Variants in PGPEP1 observed in about 807,000 individuals in gnomAD.
PGPEP1 encodes pyroglutamyl-peptidase I, also known as pyroglutamyl-peptidase 1.
PGPEP1 carries 15 observed loss-of-function variants against 24.1 expected under a neutral mutation model. That is an observed-to-expected ratio of 0.62 (90% CI 0.42 to 0.96). PGPEP1 has a LOEUF of 0.96. Ranked by LOEUF, PGPEP1 falls within the 40% of genes least tolerant of loss-of-function variation. The pLI is 0.00. For synonymous variants in PGPEP1, 122 were observed against 116.4 expected (o/e 1.05, Z -0.31); for missense variants, 242 against 273.4 (o/e 0.89, Z 0.81).
intron 3 of PGPEP1, 54 bp from the exon 4 acceptor site, chr19:18,357,316 GCCTCAGGGGGACC>G: frequency 1.7e-6 from 2 of 1,193,154 alleles, no homozygotes; most frequent in East Asian, 4.9e-5. Flanking sequence ...CTTTTCCCTG[GCCTCAGGGGGACC>G]CCTCTGAGTC....
Position 18,369,503 on chromosome 19 carries a change from CAAG to C in PGPEP1, c.*5921_*5923del, listed in dbSNP as rs752168104. ...GGTTTTGTGTCGTGACACTTTGTCT[CAAG>C]GAGATTCCACATAGGGATTTGAATT... On this transcript the variant is annotated 3_prime_UTR_variant, in exon 5 of 5. Transcript: ENST00000269919. 1.3e-5 allele frequency: 2 copies of C among 152,286 alleles called. No individual in the cohort carries two copies. The highest frequency in any genetic ancestry group is 2.9e-5 in the Non-Finnish European group (2 of 68,186). 9.4% of individuals were successfully genotyped at this position (152,286 alleles called of 1,614,324 possible).
chr19:18,357,415 G>A lies in PGPEP1; in HGVS notation c.237G>A (p.Ala79=), dbSNP rs139574097. The A allele has an allele frequency of 4.3e-5, 69 of 1,613,878 alleles. No homozygotes were observed. The East Asian group carries it at 9.8e-4, about 23-fold the overall frequency. ...TGCATGTGGGGGTGTCAGGCATGGC[G>A]ACCACAGTCACACTGGAGAAATGTG... ...LVVHVGVSGM[A]TTVTLEKCGH... Residue 79 remains alanine (A), a synonymous_variant, in exon 4 of 5, where the codon GCG becomes GCA. Coordinates refer to ENST00000269919, the MANE Select transcript of PGPEP1 (RefSeq NM_017712.4).
chr19:18,361,270 T>G (rs554245731), intron 4 of PGPEP1, among the ~76,000 whole-genome samples: 67 of 152,222 alleles, frequency 4.4e-4, no homozygotes, highest in African/African-American at 1.6e-3. Context: ...CCCAAGTAGC[T>G]GGGACTACAG....
At chr19:18,346,778 T>G (rs1198711637) in intron 2 of PGPEP1, among the ~76,000 whole-genome samples, 1 of 151,596 alleles carries the variant, frequency 6.6e-6, no homozygotes, top group Non-Finnish European at 1.5e-5. Flanking sequence ...GTAGCTGGGA[T>G]TACAGGCATG....
intron 1 of PGPEP1, among the ~76,000 whole-genome samples, chr19:18,341,161 T>C (rs1970661158): frequency 6.6e-6 from 1 of 152,110 alleles, no homozygotes; most frequent in Admixed American, 6.5e-5. Flanking sequence ...AGTGTCCCAG[T>C]GACAAATGAA....
chr19:18,346,975 C>T (rs557802073), intron 2 of PGPEP1, among the ~76,000 whole-genome samples: 41 of 151,794 alleles, frequency 2.7e-4, no homozygotes, highest in Admixed American at 5.3e-4. Context: ...CTCTCCCTCT[C>T]GTCTCTTTCT....
At chr19:18,361,850 G>A in intron 4 of PGPEP1, 23 of 985,266 alleles carry the variant, frequency 2.3e-5, no homozygotes, top group Non-Finnish European at 2.7e-5. Context: ...CACTTACTGA[G>A]AATTCTCATC....
intron 2 of PGPEP1, among the ~76,000 whole-genome samples, chr19:18,347,274 T>TTTTC (rs1346694598): frequency 4.5e-5 from 6 of 132,642 alleles, no homozygotes; most frequent in African/African-American, 1.6e-4. Flanking sequence ...TTCTTTCTTT[T>TTTTC]TTTTTTTTTT....
At position 18,358,253 on chromosome 19, in the gene PGPEP1, C is replaced by CTTT. The variant is rs58979840; in HGVS notation, c.437+660_437+662dup. Among the ~76,000 whole-genome samples, 439 of 64,466 alleles carry CTTT rather than the reference C, an allele frequency of 6.8e-3. 4 individuals carry two copies. The highest frequency in any genetic ancestry group is 0.014 in the East Asian group (31 of 2,190). The allele number at this position is 64,466 out of a possible 152,430, so 42.3% of individuals were successfully genotyped here. A position where few individuals can be genotyped will look rare whatever the true frequency, so the allele number is the denominator to read the frequency against. The stretch of plus-strand genomic sequence containing the variant: ...TAGGACTCATCCTAATCCAGTATGA[C>CTTT]TTTTTTTTTTTTTTTTTTTTTTTTG... On this transcript the variant is annotated intron_variant, in intron 4 of 4. Transcript: ENST00000269919.
chr19:18,355,000 G>A (rs1971138105), intron 2 of PGPEP1, among the ~76,000 whole-genome samples: 1 of 108,074 alleles, frequency 9.3e-6, no homozygotes, highest in African/African-American at 3.8e-5. Context: ...ACGGAGTGTT[G>A]CTCTGTCACC....
Position 18,343,917 on chromosome 19 carries a change from C to T in PGPEP1, c.87+1006C>T, listed in dbSNP as rs574642811. On this transcript the variant is annotated intron_variant, in intron 2 of 4. Coordinates refer to ENST00000269919, the MANE Select transcript of PGPEP1 (RefSeq NM_017712.4). The stretch of plus-strand genomic sequence containing the variant: ...CAGACTGGTCTCAAACTCCTGACTT[C>T]AGGTGATCCACCCACCTCGGCCTCC... 5.3e-5 allele frequency among the ~76,000 whole-genome samples: 8 copies of T among 152,074 alleles called. No individual in the cohort carries two copies. In the East Asian group the frequency reaches 1.5e-3, roughly 29 times the overall value.
intron 1 of PGPEP1, among the ~76,000 whole-genome samples, chr19:18,341,710 T>A (rs1397859091): frequency 6.6e-6 from 1 of 152,150 alleles, no homozygotes; most frequent in Non-Finnish European, 1.5e-5. Context: ...CTTTACTGTC[T>A]CCATTTTGCA....
chr19:18,350,334 G>A (rs2144546863), intron 2 of PGPEP1, among the ~76,000 whole-genome samples: 1 of 152,120 alleles, frequency 6.6e-6, no homozygotes, highest in East Asian at 1.9e-4. Flanking sequence ...CTGTTGATTT[G>A]TTTTTAAGAG....
At chr19:18,344,778 C>T (rs1281348199) in intron 2 of PGPEP1, among the ~76,000 whole-genome samples, 1 of 152,142 alleles carries the variant, frequency 6.6e-6, no homozygotes, top group Non-Finnish European at 1.5e-5. Flanking sequence ...CAGGAGCCTT[C>T]ACGGGGCTGA....
At chr19:18,352,831 C>G (rs978804769) in intron 2 of PGPEP1, among the ~76,000 whole-genome samples, 50 of 152,094 alleles carry the variant, frequency 3.3e-4, no homozygotes, top group Admixed American at 2.6e-4. Context: ...GCTGAGATTA[C>G]AGGCGTGAGC....
chr19:18,358,641 G>A (rs1440837690), intron 4 of PGPEP1, among the ~76,000 whole-genome samples: 1 of 151,286 alleles, frequency 6.6e-6, no homozygotes, highest in Non-Finnish European at 1.5e-5. Flanking sequence ...TTGAGATGGA[G>A]TTTTGCTCTT....
At chr19:18,355,311 A>C (rs1023924853) in intron 2 of PGPEP1, among the ~76,000 whole-genome samples, 1 of 150,190 alleles carries the variant, frequency 6.7e-6, no homozygotes, top group East Asian at 2.0e-4. Flanking sequence ...CCCAGGCTGG[A>C]GTGCAGTTAC....
rs201607404 is a variant in PGPEP1 at position 18,363,430 on chromosome 19, G to A, written c.477G>A (p.Gln159=). The A allele has an allele frequency of 2.0e-5, 33 of 1,613,710 alleles. No individual in the cohort carries two copies. Among genetic ancestry groups the A allele is most frequent in the Non-Finnish European group, 2.7e-5 (32 of 1,179,632 alleles). ...TTACCTACTACACCTCTTTGTACCAGAGTCACGGTCGATCAGCCTTCGTCC... is the reference window on the plus strand; with the variant it reads ...TTACCTACTACACCTCTTTGTACCAAAGTCACGGTCGATCAGCCTTCGTCC... The part of the protein sequence containing the change: ...CDFTYYTSLY[Q]SHGRSAFVHV... Residue 159 remains glutamine, a synonymous_variant, in exon 5 of 5, where the codon CAG becomes CAA. Transcript: ENST00000269919.
chr19:18,351,264 C>CA lies in PGPEP1; in HGVS notation c.88-4624dup, dbSNP rs1450028510. Reference sequence around the variant, plus strand: ...TGGGTGACAGAATGAGACTCCATCTCAAAAAAACCAAACAAAACTTTACTT... The same window carrying CA: ...TGGGTGACAGAATGAGACTCCATCTCAAAAAAAACCAAACAAAACTTTACTT... On this transcript the variant is annotated intron_variant, in intron 2 of 4. Transcript: ENST00000269919. Among the ~76,000 whole-genome samples, 9 of 150,490 alleles carry CA rather than the reference C, an allele frequency of 6.0e-5. No individual in the cohort carries two copies. The East Asian group carries it at 1.6e-3, about 27-fold the overall frequency.
Sources: allele counts gnomAD v4.1 joint callset (sites outside exome capture counted in the v4.1 genomes callset), GRCh38; gene constraint gnomAD v4.1.1; transcripts MANE v1.5; gene names NCBI Gene and HGNC (gene_info 2026-07-23, HGNC 2026-07-21).